MEGF10: variants seen among roughly 807,000 people sequenced by gnomAD.
The protein encoded by MEGF10 is multiple EGF like domains 10, also known as multiple epidermal growth factor-like domains protein 10.
MEGF10 carries 86 observed loss-of-function variants against 147.5 expected under a neutral mutation model. The observed-to-expected ratio is 0.58, with a 90% CI of 0.49 to 0.70. The LOEUF is 0.70. MEGF10 is among the 30% of genes least tolerant of loss of function. MEGF10 has a pLI of 0.00. For synonymous variants in MEGF10, 478 were observed against 525.5 expected, an observed-to-expected ratio of 0.91 and a Z score of 1.24; for missense variants, 1,329 against 1,487.3, an observed-to-expected ratio of 0.89 and a Z score of 1.75.
chr5:127,235,093 G>T, the MEGF10 span, among the ~76,000 whole-genome samples: 1 of 152,102 alleles, frequency 6.6e-6, no homozygotes, highest in East Asian at 1.9e-4. Flanking sequence ...CAATCCACCC[G>T]CCTTGGCCTC....
chr5:127,270,867 A>G, the MEGF10 span, among the ~76,000 whole-genome samples: 2 of 152,210 alleles, frequency 1.3e-5, no homozygotes, highest in African/African-American at 2.4e-5. Context: ...AATGGCCTCC[A>G]GCTCCATCCA....
At chr5:127,450,449 T>G (rs1766110087) in intron 22 of MEGF10, among the ~76,000 whole-genome samples, 1 of 152,188 alleles carries the variant, frequency 6.6e-6, no homozygotes, top group Admixed American at 6.5e-5. Flanking sequence ...TGATATACCA[T>G]TAATTATGCA....
chr5:127,366,706 T>C lies in MEGF10; in HGVS notation c.320-3204T>C, dbSNP rs573441345. On this transcript the variant is annotated intron_variant, in intron 4 of 24. Transcript: ENST00000503335. ...TTTAAAATTACCATCACGGATTTTT[T>C]TAAAAAATTATTACAATTGACTGAA... Among the ~76,000 whole-genome samples the C allele has an allele frequency of 1.2e-4, 19 of 152,318 alleles. No individual in the cohort carries two copies. The South Asian group carries it at 3.7e-3, about 30-fold the overall frequency.
At chr5:127,438,374 G>A in intron 16 of MEGF10, 65 bp from the exon 17 acceptor site, 1 of 1,564,282 alleles carries the variant, frequency 6.4e-7, no homozygotes, top group East Asian at 2.2e-5. Context: ...AGAGGTGGAT[G>A]GAATTCTCCC....
intron 5 of MEGF10, among the ~76,000 whole-genome samples, chr5:127,391,102 G>GCGCGCGCACA (rs1426600414): frequency 1.5e-4 from 8 of 53,894 alleles, no homozygotes; most frequent in Admixed American, 3.7e-4. Flanking sequence ...GCGCGCGCGC[G>GCGCGCGCACA]CACACACACA....
intron 5 of MEGF10, among the ~76,000 whole-genome samples, chr5:127,383,847 T>C (rs1763338836): frequency 6.6e-6 from 1 of 152,224 alleles, no homozygotes; most frequent in Non-Finnish European, 1.5e-5. Flanking sequence ...CATAGTCCCA[T>C]CGTTTAAATT....
chr5:127,290,401 G>A (rs551555601), upstream of MEGF10, among the ~76,000 whole-genome samples: 1 of 152,236 alleles, frequency 6.6e-6, no homozygotes, highest in African/African-American at 2.4e-5. Context: ...GCCGGCCACC[G>A]TCCCACAAAT....
Position 127,435,499 on chromosome 5 carries a change from G to C in MEGF10, c.2104+10G>C. 6.2e-7 allele frequency: 1 copy of C among 1,609,428 alleles called. No individual in the cohort carries two copies. Among genetic ancestry groups the C allele is most frequent in the Non-Finnish European group, 8.5e-7 (1 of 1,178,112 alleles). Reference sequence around the variant, plus strand: ...AGTGACTGCTCTCAACGTAAGTCTTGTTTGAGAACAATTAATAAACTGTTC... The same window carrying C: ...AGTGACTGCTCTCAACGTAAGTCTTCTTTGAGAACAATTAATAAACTGTTC... On this transcript the variant is annotated intron_variant, in intron 16 of 24. Transcript: ENST00000503335.
the MEGF10 span, among the ~76,000 whole-genome samples, chr5:127,253,722 C>T: frequency 6.6e-6 from 1 of 151,830 alleles, no homozygotes; most frequent in Non-Finnish European, 1.5e-5. Context: ...AATGATATAG[C>T]AGGCCCAGGC....
intron 13 of MEGF10, among the ~76,000 whole-genome samples, chr5:127,430,299 T>C (rs1302616350): frequency 6.6e-6 from 1 of 152,174 alleles, no homozygotes; most frequent in Admixed American, 6.5e-5. Context: ...AGATGTTTTG[T>C]AGGACCCTAG....
chr5:127,296,796 G>A (rs1269732242), intron 1 of MEGF10, among the ~76,000 whole-genome samples: 1 of 152,180 alleles, frequency 6.6e-6, no homozygotes, highest in African/African-American at 2.4e-5. Context: ...TGGTGGCACA[G>A]AAGACTAATC....
chr5:127,308,782 G>A (rs1056409665), intron 1 of MEGF10, among the ~76,000 whole-genome samples: 1 of 151,874 alleles, frequency 6.6e-6, no homozygotes, highest in African/African-American at 2.4e-5. Context: ...GTTAATGGGT[G>A]CAGCACACCA....
chr5:127,356,435 G>T (rs1762284005), intron 4 of MEGF10, among the ~76,000 whole-genome samples: 1 of 152,136 alleles, frequency 6.6e-6, no homozygotes, highest in African/African-American at 2.4e-5. Context: ...AGCTCCAAGA[G>T]AGTTAAGACA....
At chr5:127,318,934 A>T (rs760012105) in intron 1 of MEGF10, among the ~76,000 whole-genome samples, 8 of 152,166 alleles carry the variant, frequency 5.3e-5, no homozygotes, top group Non-Finnish European at 7.4e-5. Flanking sequence ...TGTGACTTGA[A>T]ATATACATTT....
At chr5:127,246,578 G>A in the MEGF10 span, among the ~76,000 whole-genome samples, 4 of 151,122 alleles carry the variant, frequency 2.6e-5, no homozygotes, top group Admixed American at 6.6e-5. Context: ...CATTCTGCAC[G>A]TGTATCCCAG....
chr5:127,283,439 A>G, the MEGF10 span, among the ~76,000 whole-genome samples: 2 of 152,172 alleles, frequency 1.3e-5, no homozygotes, highest in Admixed American at 1.3e-4. Context: ...TTGCTGAACT[A>G]CTTCCAAGCA....
At chr5:127,344,212 A>T (rs185480713) in intron 4 of MEGF10, among the ~76,000 whole-genome samples, 1 of 152,320 alleles carries the variant, frequency 6.6e-6, no homozygotes, top group African/African-American at 2.4e-5. Flanking sequence ...TATGAGCCAG[A>T]CATACTTTCT....
rs374890684 is a variant in MEGF10 at position 127,315,437 on chromosome 5, A to G, written c.-18-15854A>G. 3.7e-4 allele frequency among the ~76,000 whole-genome samples: 57 copies of G among 152,288 alleles called. 1 individual carries two copies. Among genetic ancestry groups the G allele is most frequent in the African/African-American group, 1.3e-3 (54 of 41,562 alleles). The stretch of plus-strand genomic sequence containing the variant: ...ATAATCACAATGTGACCTTCATCAA[A>G]GACCATCACAGATCTTAATTCCTTC... On this transcript the variant is annotated intron_variant, in intron 1 of 24. Coordinates refer to ENST00000503335, the MANE Select transcript of MEGF10 (RefSeq NM_001256545.2).
chr5:127,248,646 G>A, the MEGF10 span, among the ~76,000 whole-genome samples: 1 of 151,920 alleles, frequency 6.6e-6, no homozygotes, highest in Non-Finnish European at 1.5e-5. Flanking sequence ...AAAACACAAT[G>A]ATGGAAGATA....
Sources: gnomAD v4.1 joint callset for allele counts (sites outside exome capture counted in the v4.1 genomes callset) on GRCh38, gnomAD v4.1.1 for gene constraint, MANE v1.5 for transcripts, NCBI Gene and HGNC (gene_info 2026-07-23, HGNC 2026-07-21) for gene names.